XRCC5: variants seen among roughly 807,000 people sequenced by gnomAD.
The protein encoded by XRCC5 is DNA repair protein Ku80.
In XRCC5, 12 loss-of-function variants were observed where a neutral mutation model predicts 95.7. That is an observed-to-expected ratio of 0.13 (90% CI 0.08 to 0.20). XRCC5 has a LOEUF of 0.20. Among genes scored for constraint, XRCC5 ranks in the 10% least tolerant of loss-of-function variants. The pLI, the probability that XRCC5 is intolerant of heterozygous loss-of-function variation, is 1.00. For missense variants in XRCC5, 595 were observed against 873.9 expected (o/e 0.68, Z 4.02); for synonymous variants, 281 against 290.3 (o/e 0.97, Z 0.33).
intron 18 of XRCC5, 118 bp from the exon 19 acceptor site, chr2:216,194,801 T>C: frequency 1.1e-6 from 1 of 945,292 alleles, no homozygotes; most frequent in African/African-American, 1.6e-5. Flanking sequence ...TGGGACCCTG[T>C]CTCTATTTAA....
intron 12 of XRCC5, among the ~76,000 whole-genome samples, 189 bp from the exon 13 acceptor site, chr2:216,140,997 C>G (rs551804372): frequency 6.6e-6 from 1 of 152,284 alleles, no homozygotes; most frequent in African/African-American, 2.4e-5. Flanking sequence ...GTCAGTCACT[C>G]TAAATCGATC....
At position 216,164,650 on chromosome 2, in the gene XRCC5, G is replaced by T. The variant is rs965929059; in HGVS notation, c.1834+2602G>T. On this transcript the variant is annotated intron_variant, in intron 16 of 20. Coordinates refer to ENST00000392132, the MANE Select transcript of XRCC5 (RefSeq NM_021141.4). Reference sequence around the variant, plus strand: ...CATAGAAGTAGAAAAACTGGAGCTGGTTTAGGAGAGGAGGGGCTTAGAAGA... The same window carrying T: ...CATAGAAGTAGAAAAACTGGAGCTGTTTTAGGAGAGGAGGGGCTTAGAAGA... Among the ~76,000 whole-genome samples the T allele has an allele frequency of 1.5e-4, 23 of 152,312 alleles. No homozygotes were observed. In the South Asian group the frequency reaches 4.4e-3, roughly 29 times the overall value.
intron 16 of XRCC5, 106 bp downstream of exon 16, chr2:216,162,154 C>G: frequency 9.2e-7 from 1 of 1,081,914 alleles, no homozygotes; most frequent in Non-Finnish European, 1.4e-6. Flanking sequence ...TAGCATTTTT[C>G]TTTACTGGCG....
intron 16 of XRCC5, among the ~76,000 whole-genome samples, chr2:216,177,814 A>AAGGTT (rs2106038121): frequency 6.6e-6 from 1 of 152,254 alleles, no homozygotes; most frequent in South Asian, 2.1e-4. Flanking sequence ...AAATATAACT[A>AAGGTT]AGGTTGGATT....
intron 14 of XRCC5, among the ~76,000 whole-genome samples, chr2:216,151,558 G>T (rs1574467770): frequency 6.6e-6 from 1 of 152,250 alleles, no homozygotes; most frequent in Non-Finnish European, 1.5e-5. Context: ...GTGGCCTTAG[G>T]CATAGGTTAC....
chr2:216,175,863 A>G, intron 16 of XRCC5: 1 of 432,050 alleles, frequency 2.3e-6, no homozygotes, highest in Admixed American at 2.6e-5. Flanking sequence ...CCTTTCTCAA[A>G]ATGTTCTCTT....
intron 16 of XRCC5, among the ~76,000 whole-genome samples, chr2:216,172,421 CTA>C (rs1352964208): frequency 2.7e-5 from 4 of 148,996 alleles, no homozygotes; most frequent in Non-Finnish European, 4.4e-5. Flanking sequence ...TTTAACTACT[CTA>C]TGTCATTTGC....
chr2:216,114,749 C>A (rs1574449339), intron 2 of XRCC5, among the ~76,000 whole-genome samples: 2 of 152,124 alleles, frequency 1.3e-5, no homozygotes, highest in East Asian at 1.9e-4. Context: ...AAGCTATAAT[C>A]CTTAAGGTTT....
chr2:216,190,589 C>A (rs1177777046), intron 17 of XRCC5, among the ~76,000 whole-genome samples: 2 of 152,086 alleles, frequency 1.3e-5, no homozygotes, highest in African/African-American at 4.8e-5. Flanking sequence ...GAAGACCTGG[C>A]CTTTGCTTTC....
intron 16 of XRCC5, among the ~76,000 whole-genome samples, chr2:216,172,747 G>A (rs1478676055): frequency 2.6e-5 from 4 of 152,090 alleles, no homozygotes; most frequent in Admixed American, 2.0e-4. Context: ...GATTACATGC[G>A]TGAGCTGCCG....
chr2:216,148,178 A>G lies in XRCC5; in HGVS notation c.1572A>G (p.Thr524=), dbSNP rs207906. 1,413,939 of 1,613,894 alleles carry G rather than the reference A, an allele frequency of 0.88. 619,911 individuals are homozygous for G. The highest frequency in any genetic ancestry group is 0.92 in the East Asian group (41,183 of 44,868). The change falls in exon 14 of 21, where the codon ACA becomes ACG. Residue 524 remains threonine, a synonymous_variant. Transcript: ENST00000392132. ...TGAATCCTCCCGCTGAGGTGACAAC[A>G]AAAAGTCAGATTCCTCTCTCTAAAA... ...NMLNPPAEVT[T]KSQIPLSKIK... is the part of the protein sequence containing the mutation.
rs188596092 is a variant in XRCC5, at chr2:216,178,228, T to C, written c.1835-11997T>C. 3.3e-5 allele frequency among the ~76,000 whole-genome samples: 5 copies of C among 152,334 alleles called. No individual in the cohort carries two copies. In the East Asian group the frequency reaches 9.6e-4, roughly 29 times the overall value. On this transcript the variant is annotated intron_variant, in intron 16 of 20. Transcript: ENST00000392132. Reference sequence around the variant, plus strand: ...CAATCTCTTAACTGTTTCGAGATGATTTACTTGCTTCTTAGGCTTCCATTA... The same window carrying C: ...CAATCTCTTAACTGTTTCGAGATGACTTACTTGCTTCTTAGGCTTCCATTA...
intron 11 of XRCC5, 137 bp downstream of exon 11, chr2:216,137,362 A>C: frequency 1.0e-6 from 1 of 996,516 alleles, no homozygotes; most frequent in South Asian, 2.8e-5. Flanking sequence ...GTTCTGGGGC[A>C]GGGCCCAGAT....
At chr2:216,198,818 G>T (rs1296305179) in intron 19 of XRCC5, among the ~76,000 whole-genome samples, 2 of 152,162 alleles carry the variant, frequency 1.3e-5, no homozygotes, top group East Asian at 1.9e-4. Flanking sequence ...TTCCCAAAGT[G>T]CTGGGATTGC....
Position 216,109,366 on chromosome 2 carries a change from A to C in XRCC5, c.-71A>C. 1.2e-6 allele frequency: 2 copies of C among 1,610,680 alleles called. No individual in the cohort carries two copies. The highest frequency in any genetic ancestry group is 1.7e-6 in the Non-Finnish European group (2 of 1,178,340). On this transcript the variant is annotated 5_prime_UTR_variant, in exon 1 of 21. Coordinates refer to ENST00000392132, the MANE Select transcript of XRCC5 (RefSeq NM_021141.4). ...TCTTTCCGCTATCTGCCGCTTGTCC[A>C]CCGGAAGCGAGTTGCGACACGGCAG...
chr2:216,195,029 T>A, intron 19 of XRCC5, 43 bp downstream of exon 19: 2 of 1,584,560 alleles, frequency 1.3e-6, no homozygotes, highest in Non-Finnish European at 8.7e-7. Flanking sequence ...ATTATTATAG[T>A]GGACTTTATT....
chr2:216,175,535 A>C, intron 16 of XRCC5: 1 of 430,858 alleles, frequency 2.3e-6, no homozygotes, highest in Non-Finnish European at 4.5e-6. Context: ...TTAAAAGTGC[A>C]CATTCTCTCT....
chr2:216,204,854 A>T (rs1689912908), intron 20 of XRCC5, among the ~76,000 whole-genome samples: 1 of 152,186 alleles, frequency 6.6e-6, no homozygotes, highest in South Asian at 2.1e-4. Context: ...TCTGGACCCC[A>T]TTACACCATG....
At chr2:216,142,260 A>G (rs1040256551) in intron 13 of XRCC5, among the ~76,000 whole-genome samples, 1 of 152,190 alleles carries the variant, frequency 6.6e-6, no homozygotes, top group African/African-American at 2.4e-5. Context: ...TATGAACTCT[A>G]TAATAATATA....
Sources: allele counts gnomAD v4.1 joint callset (sites outside exome capture counted in the v4.1 genomes callset), GRCh38; gene constraint gnomAD v4.1.1; transcripts MANE v1.5; gene names NCBI Gene and HGNC (gene_info 2026-07-23, HGNC 2026-07-21).